The following BRWD3 variants were observed in gnomAD, a reference collection of about 807,000 sequenced individuals.
The protein encoded by BRWD3 is bromodomain and WD repeat-containing protein 3.
Under a neutral mutation model 149.7 loss-of-function variants are expected in BRWD3, and 10 were observed. That is an observed-to-expected ratio of 0.07 (90% CI 0.04 to 0.11). The LOEUF is 0.11. Among genes scored for constraint, BRWD3 ranks in the 10% least tolerant of loss-of-function variants. BRWD3 has a pLI of 1.00. For missense variants in BRWD3, 940 were observed against 1,373.2 expected, an observed-to-expected ratio of 0.68 and a Z score of 4.99; for synonymous variants, 504 against 456.7, an observed-to-expected ratio of 1.10 and a Z score of -1.32.
intron 30 of BRWD3, 34 bp from the exon 31 acceptor site, chrX:80,691,207 T>C: frequency 8.4e-7 from 1 of 1,185,347 alleles, no homozygotes; most frequent in East Asian, 3.0e-5. Flanking sequence ...AAGGTAGCTA[T>C]AAAGGACATT....
Position 80,745,715 on chromosome X carries a change from C to T in BRWD3, c.445G>A (p.Ala149Thr). Reference sequence around the variant, plus strand: ...CGACTACAGCCGGTTAATTGCCTGGCAGAGGTGATATTCACTGAAAAAAAT... The same window carrying T: ...CGACTACAGCCGGTTAATTGCCTGGTAGAGGTGATATTCACTGAAAAAAAT... ...KPPNVVNITS[A>T]RQLTGCSRFG... The change falls in exon 7 of 41, where the codon GCC becomes ACC. Residue 149 changes from alanine (A) to threonine (T), a missense_variant. Ala to Thr is a moderately conservative substitution (Grantham distance 58, BLOSUM62 0). Transcript: ENST00000373275. 1 of 1,205,456 alleles carries T rather than the reference C, an allele frequency of 8.3e-7. No homozygotes were observed. The highest frequency in any genetic ancestry group is 1.1e-6 in the Non-Finnish European group (1 of 892,075).
intron 8 of BRWD3, among the ~76,000 whole-genome samples, chrX:80,736,338 C>T (rs747737030): frequency 2.7e-5 from 3 of 111,538 alleles, no homozygotes; most frequent in African/African-American, 9.7e-5. Flanking sequence ...AAAAAAATTA[C>T]TTTTAAATTA....
At chrX:80,806,271 T>C (rs1267454055) in intron 4 of BRWD3, among the ~76,000 whole-genome samples, 1 of 111,728 alleles carries the variant, frequency 9.0e-6, no homozygotes, top group East Asian at 2.8e-4. Flanking sequence ...GAAAAGAATA[T>C]TTAAAAGATA....
chrX:80,753,674 T>C (rs1022624237), intron 6 of BRWD3, among the ~76,000 whole-genome samples: 3 of 112,000 alleles, frequency 2.7e-5, no homozygotes, highest in Non-Finnish European at 5.6e-5. Context: ...TTTAAGTTTT[T>C]AATTCATCTT....
At chrX:80,709,335 T>C in intron 21 of BRWD3, 93 bp downstream of exon 21, 2 of 673,804 alleles carry the variant, frequency 3.0e-6, no homozygotes, top group Admixed American at 3.2e-5. Flanking sequence ...ATTAAAATAA[T>C]TTTCTATTAA....
rs2074393326 is a variant in BRWD3 at position 80,809,766 on chromosome X, AGAG to A, written c.-298_-296del. On this transcript the variant is annotated 5_prime_UTR_variant, in exon 1 of 41. Transcript: ENST00000373275. Reference sequence around the variant, plus strand: ...AGAGAGAGAGAGAGGAAAAAGAGAGAGAGAGAGAGAGAGAGAGAGAGAGAGAGA... The same window carrying A: ...AGAGAGAGAGAGAGGAAAAAGAGAGAAGAGAGAGAGAGAGAGAGAGAGAGA... The A allele has an allele frequency of 4.5e-5, 3 of 66,984 alleles. No homozygotes were observed. Among genetic ancestry groups the A allele is most frequent in the African/African-American group, 2.7e-4 (3 of 11,094 alleles). The allele number at this position is 66,984 out of a possible 1,213,427, so 5.5% of individuals were successfully genotyped here. A position where few individuals can be genotyped will look rare whatever the true frequency, so the allele number is the denominator to read the frequency against.
chrX:80,700,250 G>A (rs1252037605), intron 24 of BRWD3, among the ~76,000 whole-genome samples, 186 bp from the exon 25 acceptor site: 2 of 106,654 alleles, frequency 1.9e-5, no homozygotes, highest in African/African-American at 6.8e-5. Flanking sequence ...CCTGTGCTCA[G>A]TACCACATCA....
rs1363029362 is a variant in BRWD3 at position 80,789,030 on chromosome X, C to T, written c.430+2824G>A. Reference sequence around the variant, plus strand: ...ATACAATTTGTCAAAACTTATTGAACTGCACACTTAAAAAGACAGCCTTTT... The same window carrying T: ...ATACAATTTGTCAAAACTTATTGAATTGCACACTTAAAAAGACAGCCTTTT... On this transcript the variant is annotated intron_variant, in intron 6 of 40. Coordinates refer to ENST00000373275, the MANE Select transcript of BRWD3 (RefSeq NM_153252.5). Among the ~76,000 whole-genome samples, 7 of 111,924 alleles carry T rather than the reference C, an allele frequency of 6.3e-5. No homozygotes were observed. In the Admixed American group the frequency reaches 6.7e-4, roughly 11 times the overall value.
chrX:80,726,600 T>C (rs1455265782), intron 14 of BRWD3, among the ~76,000 whole-genome samples: 2 of 109,849 alleles, frequency 1.8e-5, no homozygotes, highest in Non-Finnish European at 3.8e-5. Context: ...ATCAGGAGCG[T>C]CTAAAAAAAT....
chrX:80,701,365 T>C (rs1331401913), intron 24 of BRWD3, among the ~76,000 whole-genome samples: 2 of 107,903 alleles, frequency 1.9e-5, no homozygotes, highest in African/African-American at 6.8e-5. Context: ...CTGGCCAACA[T>C]GGTGAAACCC....
chrX:80,748,091 C>T (rs774396996), intron 6 of BRWD3, among the ~76,000 whole-genome samples: 42 of 111,804 alleles, frequency 3.8e-4, no homozygotes, highest in Admixed American at 3.8e-4. Context: ...GATTCGCCCA[C>T]CTCAGCCTCC....
At chrX:80,775,298 C>T (rs990714289) in intron 6 of BRWD3, among the ~76,000 whole-genome samples, 9 of 111,799 alleles carry the variant, frequency 8.1e-5, no homozygotes, top group Admixed American at 3.8e-4. Context: ...CCTCCCTTTC[C>T]AGTCTCAACT....
intron 6 of BRWD3, among the ~76,000 whole-genome samples, chrX:80,782,308 AG>A (rs1302934089): frequency 1.8e-5 from 2 of 111,833 alleles, no homozygotes; most frequent in Admixed American, 1.9e-4. Flanking sequence ...ACCCATATGC[AG>A]AAGAATGAAA....
Position 80,802,971 on chromosome X carries a change from G to A in BRWD3, c.180+5568C>T, listed in dbSNP as rs998304056. Among the ~76,000 whole-genome samples the A allele has an allele frequency of 1.6e-4, 18 of 109,874 alleles. No individual in the cohort carries two copies. The South Asian group carries it at 2.8e-3, about 17-fold the overall frequency. On this transcript the variant is annotated intron_variant, in intron 4 of 40. Transcript: ENST00000373275. ...ATACAAAAAATTAGCCGGGCGTAGC[G>A]GGCGCCTGTAGTCCCAGCTACTCAG...
chrX:80,748,844 T>A (rs1209235217), intron 6 of BRWD3, among the ~76,000 whole-genome samples: 1 of 111,739 alleles, frequency 8.9e-6, no homozygotes, highest in Non-Finnish European at 1.9e-5. Flanking sequence ...TCTTTTTTAA[T>A]GTTTATTGCT....
chrX:80,714,757 G>A (rs780004570), intron 20 of BRWD3, among the ~76,000 whole-genome samples: 4 of 111,566 alleles, frequency 3.6e-5, no homozygotes, highest in South Asian at 7.6e-4. Context: ...GCACATAGAC[G>A]CACACAAATT....
chrX:80,807,143 G>C (rs1003964957), intron 4 of BRWD3, among the ~76,000 whole-genome samples: 4 of 111,548 alleles, frequency 3.6e-5, no homozygotes, highest in Admixed American at 9.5e-5. Context: ...CCTCTTTTAG[G>C]GGGAGGGAAA....
chrX:80,710,724 AT>A lies in BRWD3; in HGVS notation c.2326-1148del. On this transcript the variant is annotated intron_variant, in intron 20 of 40. Transcript: ENST00000373275. The stretch of plus-strand genomic sequence containing the variant: ...GGAACATTAAGTGATAAGCCAGCCT[AT>A]GTATGTATTATCAAATATGTAATAA... The A allele has an allele frequency of 4.9e-6, 3 of 608,553 alleles. No individual in the cohort carries two copies. In the South Asian group the frequency reaches 6.6e-5, roughly 13 times the overall value. 50.2% of individuals were successfully genotyped at this position (608,553 alleles called of 1,213,427 possible).
chrX:80,789,821 C>CT (rs376981904), intron 6 of BRWD3, among the ~76,000 whole-genome samples: 8,228 of 100,076 alleles, frequency 0.082, 351 homozygotes, highest in South Asian at 0.17. Flanking sequence ...CATGGAACTC[C>CT]TTTTTTTTTT....
Sources: allele counts gnomAD v4.1 joint callset (sites outside exome capture counted in the v4.1 genomes callset), GRCh38; gene constraint gnomAD v4.1.1; transcripts MANE v1.5; gene names NCBI Gene and HGNC (gene_info 2026-07-23, HGNC 2026-07-21).